The following TBC1D5 variants were observed in gnomAD, a reference collection of about 807,000 sequenced individuals.
TBC1D5 encodes TBC1 domain family, member 5.
In TBC1D5, 75 loss-of-function variants were observed where a neutral mutation model predicts 100.3. That is an observed-to-expected ratio of 0.75 (90% confidence interval 0.62 to 0.91). The LOEUF (loss-of-function observed/expected upper bound fraction) is 0.91. Ranked by LOEUF, TBC1D5 falls within the 40% of genes least tolerant of loss-of-function variation. TBC1D5 has a pLI of 0.00. For missense variants in TBC1D5, 910 were observed against 942.4 expected (o/e 0.97, Z 0.45); for synonymous variants, 323 against 325.6 (o/e 0.99, Z 0.09).
chr3:17,689,831 G>T (rs926164516), intron 1 of TBC1D5, among the ~76,000 whole-genome samples: 2 of 152,098 alleles, frequency 1.3e-5, no homozygotes, highest in Non-Finnish European at 2.9e-5. Flanking sequence ...GGCCAGGGAT[G>T]CAGCTGAACA....
At chr3:17,706,208 G>A (rs2074140397) in intron 1 of TBC1D5, 12 of 1,551,122 alleles carry the variant, frequency 7.7e-6, no homozygotes, top group Middle Eastern at 2.3e-4. Flanking sequence ...GCATCGCGGC[G>A]AGGCCCAGGC....
intron 13 of TBC1D5, among the ~76,000 whole-genome samples, chr3:17,312,678 A>C (rs2084176043): frequency 6.6e-6 from 1 of 152,222 alleles, no homozygotes; most frequent in African/African-American, 2.4e-5. Context: ...ACAGCCCTTT[A>C]TTAAGGAAGG....
chr3:17,664,192 C>A (rs2066978236), intron 1 of TBC1D5, among the ~76,000 whole-genome samples: 1 of 152,110 alleles, frequency 6.6e-6, no homozygotes, highest in African/African-American at 2.4e-5. Flanking sequence ...GCCTCAGCCT[C>A]CTCAGTAGCT....
intron 1 of TBC1D5, among the ~76,000 whole-genome samples, chr3:17,663,571 G>A (rs542181021): frequency 3.9e-4 from 60 of 152,122 alleles, no homozygotes; most frequent in East Asian, 1.9e-4. Flanking sequence ...GTATTAATAC[G>A]AGTATTGATG....
intron 1 of TBC1D5, among the ~76,000 whole-genome samples, chr3:17,738,167 G>A (rs566899300): frequency 1.3e-5 from 2 of 152,190 alleles, no homozygotes; most frequent in East Asian, 1.9e-4. Flanking sequence ...TCTCCAAAGG[G>A]ATAAGAGCAT....
At chr3:17,349,889 AC>A (rs1372089742) in intron 13 of TBC1D5, among the ~76,000 whole-genome samples, 1 of 152,192 alleles carries the variant, frequency 6.6e-6, no homozygotes, top group Non-Finnish European at 1.5e-5. Context: ...CAGTTAACAC[AC>A]AGATCCATGG....
intron 1 of TBC1D5, among the ~76,000 whole-genome samples, chr3:17,625,661 C>T (rs2062989279): frequency 6.6e-6 from 1 of 151,970 alleles, no homozygotes; most frequent in African/African-American, 2.4e-5. Context: ...TTTAGTTTCA[C>T]TGCATATTTT....
rs796369222 is a variant in TBC1D5 at position 17,689,238 on chromosome 3, C to T, written c.-101+50105G>A. Among the ~76,000 whole-genome samples the T allele has an allele frequency of 3.4e-4, 52 of 152,124 alleles. 1 individual carries two copies. Among genetic ancestry groups the T allele is most frequent in the African/African-American group, 1.2e-3 (51 of 41,510 alleles). On this transcript the variant is annotated intron_variant, in intron 1 of 21. Coordinates refer to ENST00000253692, the Ensembl canonical transcript of TBC1D5. Reference sequence around the variant, plus strand: ...GATGGACCCAGTCCTCTAGAAAATGCGTTAGACACTCACAACAAAGTCCGG... The same window carrying T: ...GATGGACCCAGTCCTCTAGAAAATGTGTTAGACACTCACAACAAAGTCCGG...
chr3:17,531,787 G>C (rs906799754), intron 2 of TBC1D5, among the ~76,000 whole-genome samples: 4 of 152,196 alleles, frequency 2.6e-5, no homozygotes, highest in Non-Finnish European at 5.9e-5. Flanking sequence ...GCCGTATGTA[G>C]AAAGCTGAAA....
At chr3:17,476,765 A>C (rs1315880007) in intron 3 of TBC1D5, among the ~76,000 whole-genome samples, 1 of 151,928 alleles carries the variant, frequency 6.6e-6, no homozygotes, top group African/African-American at 2.4e-5. Context: ...GGTCTTCTTA[A>C]ATGTCTTCCA....
At chr3:17,463,854 G>GT (rs1418966952) in intron 3 of TBC1D5, among the ~76,000 whole-genome samples, 2 of 150,610 alleles carry the variant, frequency 1.3e-5, no homozygotes, top group Non-Finnish European at 2.9e-5. Context: ...TCATGCAATC[G>GT]TATCTCTTCT....
chr3:17,454,357 T>C (rs2095000496), intron 3 of TBC1D5, among the ~76,000 whole-genome samples: 2 of 152,190 alleles, frequency 1.3e-5, no homozygotes, highest in African/African-American at 2.4e-5. Flanking sequence ...GATATGATCT[T>C]ATATTTGGAA....
intron 4 of TBC1D5, among the ~76,000 whole-genome samples, chr3:17,414,682 T>G (rs1288057204): frequency 6.6e-6 from 1 of 152,164 alleles, no homozygotes; most frequent in Non-Finnish European, 1.5e-5. Context: ...AACACTGATG[T>G]TATCTATAAT....
chr3:17,346,358 A>AT (rs2089875219), intron 13 of TBC1D5, among the ~76,000 whole-genome samples: 2 of 151,962 alleles, frequency 1.3e-5, no homozygotes, highest in East Asian at 1.9e-4. Flanking sequence ...TACAAAGTTA[A>AT]TTTTTTTTCA....
intron 1 of TBC1D5, among the ~76,000 whole-genome samples, chr3:17,687,650 C>T (rs564750746): frequency 6.6e-6 from 1 of 152,172 alleles, no homozygotes; most frequent in Non-Finnish European, 1.5e-5. Context: ...TATTCAAAGT[C>T]ACCTCATATT....
intron 12 of TBC1D5, among the ~76,000 whole-genome samples, chr3:17,373,125 T>C (rs1234585787): frequency 6.6e-6 from 1 of 152,180 alleles, no homozygotes; most frequent in Non-Finnish European, 1.5e-5. Context: ...TTTTGACAGT[T>C]TTCTAACCAT....
At chr3:17,620,157 G>A (rs2062532295) in intron 2 of TBC1D5, among the ~76,000 whole-genome samples, 1 of 152,194 alleles carries the variant, frequency 6.6e-6, no homozygotes, top group Non-Finnish European at 1.5e-5. Context: ...GTTGTTGTTA[G>A]CAACAAAGTC....
At chr3:17,478,418 C>A (rs1404623721) in intron 3 of TBC1D5, among the ~76,000 whole-genome samples, 4 of 152,132 alleles carry the variant, frequency 2.6e-5, no homozygotes, top group South Asian at 2.1e-4. Context: ...CATAGTAATA[C>A]TGAGTCTTCT....
intron 2 of TBC1D5, among the ~76,000 whole-genome samples, chr3:17,511,511 G>C (rs1035280228): frequency 6.6e-6 from 1 of 151,800 alleles, no homozygotes; most frequent in African/African-American, 2.4e-5. Context: ...CAAGCAAGTT[G>C]CCATCAAAGT....
Sources: allele counts gnomAD v4.1 joint callset (sites outside exome capture counted in the v4.1 genomes callset), GRCh38; gene constraint gnomAD v4.1.1; transcripts MANE v1.5; gene names NCBI Gene and HGNC (gene_info 2026-07-23, HGNC 2026-07-21).